Variants in CAMK2B observed in about 807,000 individuals in gnomAD.
CAMK2B encodes calcium/calmodulin dependent protein kinase II beta, also known as calcium/calmodulin-dependent protein kinase type II subunit beta.
A neutral mutation model predicts 93.7 loss-of-function variants in CAMK2B; 27 were observed. The observed-to-expected ratio is 0.29, with a 90% CI of 0.21 to 0.40. The LOEUF (loss-of-function observed/expected upper bound fraction) is 0.40, where lower values mean the gene tolerates loss of function less well. Among genes scored for constraint, CAMK2B ranks in the 10% least tolerant of loss-of-function variants. CAMK2B has a pLI of 1.00. For missense variants in CAMK2B, 568 were observed against 895.8 expected (o/e 0.63, Z 4.67); for synonymous variants, 374 against 358.8 (o/e 1.04, Z -0.48).
chr7:44,300,239 C>T (rs1027460160), intron 1 of CAMK2B, among the ~76,000 whole-genome samples: 2 of 151,962 alleles, frequency 1.3e-5, no homozygotes, highest in African/African-American at 4.8e-5. Context: ...TCTTGGTATG[C>T]TCCCTAGGCT....
Position 44,224,358 on chromosome 7 carries a change from G to A in CAMK2B, c.1597+2158C>T, listed in dbSNP as rs955993244. 6.6e-6 allele frequency among the ~76,000 whole-genome samples: 1 copy of A among 152,260 alleles called. No individual in the cohort carries two copies. ...AAGAAGGGCATGATCCCTGATGGAG[G>A]GAAAGGAGGGGGGCCCAACATGAAG... On this transcript the variant is annotated intron_variant, in intron 20 of 23. Coordinates refer to ENST00000395749, the MANE Select transcript of CAMK2B (RefSeq NM_001220.5). This position sits in a 1 kb window ranked among gnomAD's most constrained non-coding sequence, Gnocchi z 4.4.
intron 19 of CAMK2B, 92 bp from the exon 20 acceptor site, chr7:44,226,736 G>C (rs1351713708): frequency 9.4e-7 from 1 of 1,068,188 alleles, no homozygotes; most frequent in African/African-American, 1.9e-5. Context: ...CAGAGATTGA[G>C]GGGCACAGAG....
At chr7:44,256,500 C>T (rs1056352972) in intron 4 of CAMK2B, among the ~76,000 whole-genome samples, 15 of 152,198 alleles carry the variant, frequency 9.9e-5, no homozygotes, top group African/African-American at 1.7e-4. Context: ...TTTGTTCATG[C>T]GCACACATGT....
At chr7:44,307,066 CTG>C (rs1791970801) in intron 1 of CAMK2B, among the ~76,000 whole-genome samples, 4 of 9,726 alleles carry the variant, frequency 4.1e-4, no homozygotes, top group African/African-American at 9.2e-4. Flanking sequence ...GGAGGAGGGT[CTG>C]AGCAGGGGGA....
At position 44,225,585 on chromosome 7, in the gene CAMK2B, C is replaced by A. The variant is rs2096465507; in HGVS notation, c.1597+931G>T. ...GGGCTGCCCCCTGCTCTCTCGGGCA[C>A]CCAGGGTGGATCCAGTGCCCCTTTG... On this transcript the variant is annotated intron_variant, in intron 20 of 23. Coordinates refer to ENST00000395749, the MANE Select transcript of CAMK2B (RefSeq NM_001220.5). This position sits in a 1 kb window ranked among gnomAD's most constrained non-coding sequence, Gnocchi z 5.0. 6.6e-6 allele frequency among the ~76,000 whole-genome samples: 1 copy of A among 152,142 alleles called. No individual in the cohort carries two copies. The highest frequency in any genetic ancestry group is 6.5e-5 in the Admixed American group (1 of 15,286).
chr7:44,217,333 C>G lies in CAMK2B; in HGVS notation c.*2192G>C, dbSNP rs1235639842. 1 of 152,398 alleles carries G rather than the reference C, an allele frequency of 6.6e-6. No homozygotes were observed. The highest frequency in any genetic ancestry group is 1.5e-5 in the Non-Finnish European group (1 of 68,052). The allele number at this position is 152,398 out of a possible 1,614,324, so 9.4% of individuals were successfully genotyped here. A position where few individuals can be genotyped will look rare whatever the true frequency, so the allele number is the denominator to read the frequency against. On this transcript the variant is annotated 3_prime_UTR_variant, in exon 24 of 24. Coordinates refer to ENST00000395749, the MANE Select transcript of CAMK2B (RefSeq NM_001220.5). ...TGCAGCGCTGGCCAGCGGCCGCCAC[C>G]ACCACACCGCGGACACCTAGCTAGC...
rs1421574475 is a variant in CAMK2B at position 44,229,397 on chromosome 7, G to T, written c.1330C>A (p.Pro444Thr). Residue 444 changes from proline to threonine, a missense_variant, in exon 18 of 24, where the codon CCA becomes ACA. By Grantham distance (38) the Pro-to-Thr change is conservative. Transcript: ENST00000395749. Reference sequence around the variant, plus strand: ...GACCCAGGCTACTTACATGGGGCTGGCAGGGGGCTAAAGGGAGCCGGAGAT... The same window carrying T: ...GACCCAGGCTACTTACATGGGGCTGTCAGGGGGCTAAAGGGAGCCGGAGAT... The part of the protein sequence containing the change: ...CPSPAPFSPL[P>T]APSPRISDIL... 1 of 1,522,074 alleles carries T rather than the reference G, an allele frequency of 6.6e-7. No individual in the cohort carries two copies. Among genetic ancestry groups the T allele is most frequent in the South Asian group, 1.2e-5 (1 of 80,560 alleles). The allele number at this position is 1,522,074 out of a possible 1,614,324, so 94.3% of individuals were successfully genotyped here.
intron 2 of CAMK2B, among the ~76,000 whole-genome samples, chr7:44,272,272 T>A (rs2129059440): frequency 6.6e-6 from 1 of 152,104 alleles, no homozygotes; most frequent in Admixed American, 6.5e-5. Flanking sequence ...CAGGTCAGGA[T>A]CCTCTGAGGG....
intron 13 of CAMK2B, among the ~76,000 whole-genome samples, chr7:44,236,140 T>G (rs2096623986): frequency 6.6e-6 from 1 of 151,804 alleles, no homozygotes; most frequent in Non-Finnish European, 1.5e-5. Context: ...CAGGTTGCCG[T>G]GGAGATCAGG....
intron 2 of CAMK2B, among the ~76,000 whole-genome samples, chr7:44,274,006 C>T (rs569897109): frequency 6.6e-5 from 10 of 152,164 alleles, no homozygotes; most frequent in Non-Finnish European, 1.3e-4. Context: ...CCAGCAGTCC[C>T]GCACACTGCT....
chr7:44,324,715 G>C (rs989586319), intron 1 of CAMK2B, among the ~76,000 whole-genome samples: 9 of 152,116 alleles, frequency 5.9e-5, no homozygotes, highest in Non-Finnish European at 1.3e-4. Context: ...CCCATGACCT[G>C]ATCCAGGCTC....
chr7:44,295,412 C>T (rs1324190516), intron 1 of CAMK2B, among the ~76,000 whole-genome samples: 1 of 152,220 alleles, frequency 6.6e-6, no homozygotes, highest in Non-Finnish European at 1.5e-5. Flanking sequence ...TACAACTTGC[C>T]ATCACTTCTC....
chr7:44,323,283 G>A (rs1043525507), intron 1 of CAMK2B, among the ~76,000 whole-genome samples: 2 of 152,252 alleles, frequency 1.3e-5, no homozygotes, highest in Non-Finnish European at 2.9e-5. Context: ...GGCTCCCCTC[G>A]ATGCCAGGCC....
intron 2 of CAMK2B, among the ~76,000 whole-genome samples, chr7:44,280,164 C>G (rs779127195): frequency 6.6e-6 from 1 of 152,212 alleles, no homozygotes; most frequent in Non-Finnish European, 1.5e-5. Flanking sequence ...GCAGAGGGGC[C>G]AGGAAGCCCT....
chr7:44,278,560 G>A (rs1024442517), intron 2 of CAMK2B, among the ~76,000 whole-genome samples: 2 of 152,170 alleles, frequency 1.3e-5, no homozygotes, highest in African/African-American at 2.4e-5. Context: ...TCAGGTCCCC[G>A]CATGGGGGAG....
In CAMK2B at chr7:44,286,595, T is replaced by C. The variant is rs995030271; in HGVS notation, c.66-2370A>G. On this transcript the variant is annotated intron_variant, in intron 1 of 23. Coordinates refer to ENST00000395749, the MANE Select transcript of CAMK2B (RefSeq NM_001220.5). The surrounding 1 kb of genome is among the most constrained non-coding windows in gnomAD (Gnocchi z 4.0). ...GCTGTTCCTCAGCACACGACATCCA[T>C]GCACCATATCACCAAGAGCCTGACC... 6.6e-6 allele frequency among the ~76,000 whole-genome samples: 1 copy of C among 152,162 alleles called. No homozygotes were observed. The highest frequency in any genetic ancestry group is 1.5e-5 in the Non-Finnish European group (1 of 68,028).
intron 1 of CAMK2B, among the ~76,000 whole-genome samples, chr7:44,298,055 TG>T (rs1703831889): frequency 6.6e-6 from 1 of 152,066 alleles, no homozygotes. Context: ...ACCCGGAAGG[TG>T]GAGGTTGCAG....
chr7:44,306,740 A>AGGAGGAGGGTGTGGGCAGGG (rs1791647652), intron 1 of CAMK2B, among the ~76,000 whole-genome samples: 1 of 128,518 alleles, frequency 7.8e-6, no homozygotes, highest in African/African-American at 2.9e-5. Context: ...TGTGGGCAGG[A>AGGAGGAGGGTGTGGGCAGGG]GGAGGAGGGT....
At chr7:44,261,449 T>C (rs2096878396) in intron 3 of CAMK2B, among the ~76,000 whole-genome samples, 1 of 152,198 alleles carries the variant, frequency 6.6e-6, no homozygotes, top group South Asian at 2.1e-4. Context: ...AGGGCTGATC[T>C]CATGGTGGGG....
Sources: allele counts gnomAD v4.1 joint callset (sites outside exome capture counted in the v4.1 genomes callset), GRCh38; gene constraint gnomAD v4.1.1; non-coding constraint Gnocchi (gnomAD v3.1); transcripts MANE v1.5; gene names NCBI Gene and HGNC (gene_info 2026-07-23, HGNC 2026-07-21).